Variants in DNAJC4 observed in about 807,000 individuals in gnomAD.
The protein encoded by DNAJC4 is dnaJ homolog subfamily C member 4.
Under a neutral mutation model 26.8 loss-of-function variants are expected in DNAJC4, and 26 were observed. The observed-to-expected ratio is 0.97, with a 90% CI of 0.71 to 1.34. DNAJC4 has a LOEUF of 1.34. Ranked by LOEUF, DNAJC4 falls within the 40% of genes most tolerant of loss-of-function variation. The pLI is 0.00. For synonymous variants in DNAJC4, 134 were observed against 127.8 expected, an observed-to-expected ratio of 1.05 and a Z score of -0.33; for missense variants, 342 against 321.1, an observed-to-expected ratio of 1.07 and a Z score of -0.50.
At chr11:64,232,068 T>C in intron 2 of DNAJC4, 104 bp downstream of exon 2, 5 of 1,202,092 alleles carry the variant, frequency 4.2e-6, no homozygotes, top group Non-Finnish European at 6.0e-6. Context: ...GGGTGCCACA[T>C]TTTTTCAGCC....
At chr11:64,231,043 G>C in intron 1 of DNAJC4, 103 bp downstream of exon 1, 1 of 1,435,612 alleles carries the variant, frequency 7.0e-7, no homozygotes, top group Non-Finnish European at 9.5e-7. Flanking sequence ...AGGCTCCCAG[G>C]TTTGTCTCAG....
In DNAJC4 at chr11:64,230,689, G is replaced by A. The variant is rs1264407379; in HGVS notation, c.-166G>A. The A allele has an allele frequency of 1.1e-6, 1 of 904,424 alleles. No homozygotes were observed. The highest frequency in any genetic ancestry group is 1.7e-6 in the Non-Finnish European group (1 of 588,464). 56.0% of individuals were successfully genotyped at this position (904,424 alleles called of 1,614,324 possible). On this transcript the variant is annotated 5_prime_UTR_variant, in exon 1 of 6. Transcript: ENST00000628077. Reference sequence around the variant, plus strand: ...AAGGGGCAGGTCCAAGGACACGCGGGTCTGGTCCTGGGCAAGAACCGCCCC... The same window carrying A: ...AAGGGGCAGGTCCAAGGACACGCGGATCTGGTCCTGGGCAAGAACCGCCCC...
intron 4 of DNAJC4, chr11:64,233,094 C>A: frequency 2.3e-6 from 1 of 435,098 alleles, no homozygotes; most frequent in Non-Finnish European, 3.9e-6. Flanking sequence ...GTAAATCTTT[C>A]ATGCTGGCTG....
Position 64,230,714 on chromosome 11 carries a change from C to T in DNAJC4, c.-141C>T, listed in dbSNP as rs1415286157. 2.0e-5 allele frequency: 24 copies of T among 1,197,396 alleles called. No individual in the cohort carries two copies. The highest frequency in any genetic ancestry group is 2.5e-5 in the Non-Finnish European group (21 of 846,706). The allele number at this position is 1,197,396 out of a possible 1,614,324, so 74.2% of individuals were successfully genotyped here. A position where few individuals can be genotyped will look rare whatever the true frequency, so the allele number is the denominator to read the frequency against. On this transcript the variant is annotated 5_prime_UTR_variant, in exon 1 of 6. Transcript: ENST00000628077. ...GTCTGGTCCTGGGCAAGAACCGCCC[C>T]CTCTCCGGGCCTGCTTCAGTCTTCC...
At chr11:64,231,036 C>A in intron 1 of DNAJC4, 96 bp downstream of exon 1, 1 of 1,470,428 alleles carries the variant, frequency 6.8e-7, no homozygotes, top group Non-Finnish European at 9.2e-7. Context: ...TGTCAGGAGG[C>A]TCCCAGGTTT....
At chr11:64,230,538 T>C, upstream of DNAJC4, 1 of 598,422 alleles carries the variant, frequency 1.7e-6, no homozygotes, top group Non-Finnish European at 3.1e-6. Flanking sequence ...GGGCGGGGCC[T>C]GGTTGTGGCC....
chr11:64,230,747 A>C lies in DNAJC4; in HGVS notation c.-108A>C, dbSNP rs1286049878. 2.1e-6 allele frequency: 3 copies of C among 1,452,494 alleles called. No individual in the cohort carries two copies. Among genetic ancestry groups the C allele is most frequent in the Admixed American group, 4.0e-5 (2 of 49,794 alleles). 90.0% of individuals were successfully genotyped at this position (1,452,494 alleles called of 1,614,324 possible). ...GGCCTGCTTCAGTCTTCCTTTGCAG[A>C]ACAACGGGCCAGGCCCCTTCCCTCT... is the stretch of plus-strand genomic sequence containing the variant. On this transcript the variant is annotated 5_prime_UTR_variant, in exon 1 of 6. Coordinates refer to ENST00000628077, the MANE Select transcript of DNAJC4 (RefSeq NM_005528.4).
intron 1 of DNAJC4, chr11:64,231,573 T>A: frequency 3.4e-6 from 1 of 298,298 alleles, no homozygotes; most frequent in Non-Finnish European, 6.4e-6. Flanking sequence ...ACTCCCGACC[T>A]CAGGTGATCC....
chr11:64,232,838 G>T lies in DNAJC4; in HGVS notation c.500G>T (p.Gly167Val). 6.2e-7 allele frequency: 1 copy of T among 1,606,614 alleles called. No individual in the cohort carries two copies. Among genetic ancestry groups the T allele is most frequent in the Non-Finnish European group, 8.5e-7 (1 of 1,175,682 alleles). Residue 167 changes from glycine (G) to valine (V), a missense_variant, in exon 4 of 6, where the codon GGC becomes GTC. Gly to Val is a moderately radical substitution (Grantham distance 109). Transcript: ENST00000628077. The stretch of plus-strand genomic sequence containing the variant: ...TACTGCCTCCTCCTCATGCTGGCGG[G>T]CATGGGCCTGCACTACATTGCCTTC... ...LGYCLLLMLA[G>V]MGLHYIAFRK... is the part of the protein sequence containing the mutation.
At chr11:64,231,341 C>T in intron 1 of DNAJC4, 2 of 174,244 alleles carry the variant, frequency 1.1e-5, no homozygotes, top group South Asian at 6.4e-5. Context: ...TTCTCTTTTT[C>T]CTTTTTTTTT....
At position 64,233,973 on chromosome 11, in the gene DNAJC4, C is replaced by T; in HGVS notation, c.607C>T (p.Arg203Trp). ...ITAFYNEARA[R>W]ARANRGILQQ... ...AGCCTTCTACAACGAAGCCCGGGCA[C>T]GGGCCAGGTCTGTCCCTGCTCTATT... The change falls in exon 5 of 6, where the codon CGG becomes TGG. Residue 203 changes from arginine to tryptophan, a missense_variant. Coordinates refer to ENST00000628077, the MANE Select transcript of DNAJC4 (RefSeq NM_005528.4). 2 of 1,614,094 alleles carry T rather than the reference C, an allele frequency of 1.2e-6. No individual in the cohort carries two copies. Among genetic ancestry groups the T allele is most frequent in the Non-Finnish European group, 8.5e-7 (1 of 1,180,030 alleles).
chr11:64,231,720 G>C (rs915882485), intron 1 of DNAJC4, 151 bp from the exon 2 acceptor site: 107 of 648,624 alleles, frequency 1.6e-4, no homozygotes, highest in South Asian at 1.6e-3. Context: ...CACTCCAAAG[G>C]GGGTGCTGAT....
intron 4 of DNAJC4, chr11:64,233,113 G>C (rs1039276687): frequency 2.0e-5 from 8 of 399,754 alleles, no homozygotes; most frequent in Non-Finnish European, 3.5e-5. Context: ...TGCCAGGAAG[G>C]GATTGAGCCA....
chr11:64,231,212 A>C, intron 1 of DNAJC4: 1 of 587,162 alleles, frequency 1.7e-6, no homozygotes, highest in Non-Finnish European at 3.2e-6. Flanking sequence ...ACTGTGCATA[A>C]CCCTCTGTGG....
chr11:64,230,727 G>C lies in DNAJC4; in HGVS notation c.-128G>C, dbSNP rs1947162592. The C allele has an allele frequency of 1.5e-6, 2 of 1,328,208 alleles. No individual in the cohort carries two copies. The highest frequency in any genetic ancestry group is 2.1e-6 in the Non-Finnish European group (2 of 960,958). The allele number at this position is 1,328,208 out of a possible 1,614,324, so 82.3% of individuals were successfully genotyped here. A position where few individuals can be genotyped will look rare whatever the true frequency, so the allele number is the denominator to read the frequency against. On this transcript the variant is annotated 5_prime_UTR_variant, in exon 1 of 6. Transcript: ENST00000628077. ...CAAGAACCGCCCCCTCTCCGGGCCTGCTTCAGTCTTCCTTTGCAGAACAAC... is the reference window on the plus strand; with the variant it reads ...CAAGAACCGCCCCCTCTCCGGGCCTCCTTCAGTCTTCCTTTGCAGAACAAC...
In DNAJC4 at chr11:64,230,918, C is replaced by T; in HGVS notation, c.64C>T (p.Leu22Phe). 1.9e-6 allele frequency: 3 copies of T among 1,574,566 alleles called. No homozygotes were observed. The South Asian group carries it at 3.4e-5, about 18-fold the overall frequency. Residue 22 changes from leucine (L) to phenylalanine (F), a missense_variant, in exon 1 of 6, where the codon CTC becomes TTC. Transcript: ENST00000628077. ...LWPRNPPSRLLGAAAGQRSRP... is the reference protein window; with the variant it reads ...LWPRNPPSRLFGAAAGQRSRP... Reference sequence around the variant, plus strand: ...GCCCCGCAACCCTCCCTCCCGGCTCCTCGGAGCGGCCGCCGGGCAGCGGTG... The same window carrying T: ...GCCCCGCAACCCTCCCTCCCGGCTCTTCGGAGCGGCCGCCGGGCAGCGGTG...
chr11:64,231,122 C>G (rs1440570401), intron 1 of DNAJC4, 182 bp downstream of exon 1: 1 of 821,856 alleles, frequency 1.2e-6, no homozygotes, highest in South Asian at 1.4e-5. Flanking sequence ...CCGATTTAAG[C>G]GGCAGAGGAG....
intron 1 of DNAJC4, chr11:64,231,240 G>A (rs1947171759): frequency 4.0e-6 from 2 of 501,932 alleles, no homozygotes; most frequent in African/African-American, 3.9e-5. Context: ...GAGATGGGGA[G>A]GTGTCGGGTA....
upstream of DNAJC4, chr11:64,230,474 C>T: frequency 1.9e-6 from 1 of 537,588 alleles, no homozygotes; most frequent in South Asian, 1.5e-5. Flanking sequence ...AATGTGAGGG[C>T]GGGGCCTGAA....
Sources: gnomAD v4.1 joint callset for allele counts on GRCh38, gnomAD v4.1.1 for gene constraint, MANE v1.5 for transcripts, NCBI Gene and HGNC (gene_info 2026-07-23, HGNC 2026-07-21) for gene names.